PCDHA1: variants seen among roughly 807,000 people sequenced by gnomAD.
PCDHA1 encodes protocadherin alpha-1.
PCDHA1 carries 42 observed loss-of-function variants against 61.3 expected under a neutral mutation model. The ratio of observed to expected loss-of-function variants is 0.69; its 90% CI spans 0.54 to 0.89. PCDHA1 has a LOEUF of 0.89. Among genes scored for constraint, PCDHA1 ranks in the 40% least tolerant of loss-of-function variants. The probability of loss-of-function intolerance (pLI) is 0.00; values close to 1 mark genes in which losing one functional copy is unlikely to be tolerated. For missense variants in PCDHA1, 1,256 were observed against 1,235.3 expected, an observed-to-expected ratio of 1.02 and a Z score of -0.25; for synonymous variants, 610 against 553.8, an observed-to-expected ratio of 1.10 and a Z score of -1.43.
chr5:140,810,316 C>G (rs1764636822), intron 1 of PCDHA1: 1 of 152,126 alleles, frequency 6.6e-6, no homozygotes, highest in South Asian at 2.1e-4. Context: ...TCTTTGATGC[C>G]CATGTACACA....
At chr5:140,914,360 T>C (rs782101976) in intron 1 of PCDHA1, among the ~76,000 whole-genome samples, 10 of 152,218 alleles carry the variant, frequency 6.6e-5, no homozygotes, top group Non-Finnish European at 1.5e-4. Context: ...GTTTTTGTCT[T>C]GAGATCTATT....
At chr5:140,929,362 G>A (rs781830495) in intron 1 of PCDHA1, 13 of 1,520,234 alleles carry the variant, frequency 8.6e-6, no homozygotes, top group Middle Eastern at 1.8e-4. Flanking sequence ...CCTTTGGCCC[G>A]GAGATGGCTG....
chr5:140,927,068 C>T, intron 1 of PCDHA1: 1 of 1,611,218 alleles, frequency 6.2e-7, no homozygotes, highest in Non-Finnish European at 8.5e-7. Context: ...CGCTTCCTTT[C>T]CAGCCACCGC....
chr5:140,969,274 TG>T, intron 1 of PCDHA1: 1 of 1,614,158 alleles, frequency 6.2e-7, no homozygotes, highest in Non-Finnish European at 8.5e-7. Flanking sequence ...CAGGCCAAAG[TG>T]GTCAGAATGC....
intron 1 of PCDHA1, chr5:140,841,882 T>A: frequency 6.2e-7 from 1 of 1,613,800 alleles, no homozygotes; most frequent in Non-Finnish European, 8.5e-7. Context: ...CAAAGAACGA[T>A]GAGAATAAAC....
At chr5:141,008,712 T>G (rs1554261909) in intron 3 of PCDHA1, among the ~76,000 whole-genome samples, 1 of 152,210 alleles carries the variant, frequency 6.6e-6, no homozygotes, top group Non-Finnish European at 1.5e-5. Flanking sequence ...TCTAGTTGCT[T>G]GAGTGTATGT....
chr5:140,899,225 A>C (rs1479429839), intron 1 of PCDHA1, among the ~76,000 whole-genome samples: 1 of 152,038 alleles, frequency 6.6e-6, no homozygotes, highest in African/African-American at 2.4e-5. Context: ...TTCCAACACT[A>C]TGTTGAATAG....
chr5:140,939,903 CT>C (rs1485545948), intron 1 of PCDHA1, among the ~76,000 whole-genome samples: 1 of 152,046 alleles, frequency 6.6e-6, no homozygotes, highest in Non-Finnish European at 1.5e-5. Context: ...ATTCTGCATT[CT>C]TTTTTATTCT....
intron 1 of PCDHA1, among the ~76,000 whole-genome samples, chr5:140,872,204 C>T (rs1475899671): frequency 6.6e-6 from 1 of 151,738 alleles, no homozygotes. Flanking sequence ...ATCATAAATT[C>T]ATTATATATG....
chr5:140,793,090 A>C (rs552249231), intron 1 of PCDHA1, among the ~76,000 whole-genome samples: 2 of 152,260 alleles, frequency 1.3e-5, no homozygotes, highest in Non-Finnish European at 2.9e-5. Flanking sequence ...AGGAAGTAAT[A>C]TCCAGGATTT....
At chr5:140,884,435 T>C (rs1554181555) in intron 1 of PCDHA1, 1 of 1,613,872 alleles carries the variant, frequency 6.2e-7, no homozygotes, top group East Asian at 2.2e-5. Flanking sequence ...TGCGCTGCGG[T>C]GCTCGGCACC....
intron 1 of PCDHA1, chr5:140,822,655 A>T (rs2150118230): frequency 1.2e-6 from 2 of 1,608,946 alleles, no homozygotes; most frequent in East Asian, 4.5e-5. Context: ...CAAATTTATA[A>T]TTAATTCTAA....
chr5:140,868,967 AC>A, intron 1 of PCDHA1: 1 of 1,435,870 alleles, frequency 7.0e-7, no homozygotes, highest in African/African-American at 1.4e-5. Context: ...ATACAAAGGA[AC>A]TCCATCATAC....
At chr5:140,800,286 G>A (rs1762535144) in intron 1 of PCDHA1, among the ~76,000 whole-genome samples, 1 of 152,062 alleles carries the variant, frequency 6.6e-6, no homozygotes. Context: ...TCTCTGTAAA[G>A]GACCGACTTC....
intron 3 of PCDHA1, among the ~76,000 whole-genome samples, chr5:141,005,543 A>G (rs2153984572): frequency 6.6e-6 from 1 of 151,530 alleles, no homozygotes; most frequent in South Asian, 2.1e-4. Context: ...CTCTACTAAA[A>G]ATACAAAAAT....
rs146495947 is a variant in PCDHA1, at chr5:140,843,027, G to C, written c.2394+54343G>C. 1.7e-3 allele frequency: 2,668 copies of C among 1,595,168 alleles called. 274 individuals carry two copies. Among genetic ancestry groups the C allele is most frequent in the Non-Finnish European group, 2.1e-3 (2,455 of 1,165,422 alleles). ...AACGCGCCGGCACTGCTGGAGCCTC[G>C]GGTGGGTGGCACTGGTGGCGCAGCG... is the stretch of plus-strand genomic sequence containing the variant. On this transcript the variant is annotated intron_variant, in intron 1 of 3. Transcript: ENST00000504120.
rs1554118017 is a variant in PCDHA1 at position 140,787,852 on chromosome 5, A to G, written c.1562A>G (p.Gln521Arg). 1 of 1,612,584 alleles carries G rather than the reference A, an allele frequency of 6.2e-7. No individual in the cohort carries two copies. The change falls in exon 1 of 4, where the codon CAG becomes CGG. Residue 521 changes from glutamine (Q) to arginine (R), a missense_variant. Transcript: ENST00000504120. ...GAGAGCGGCAAGGTGTACGCACTGC[A>G]GCCCCTGGACCACGAGGAGCTGGAG... is the stretch of plus-strand genomic sequence containing the variant. ...HAESGKVYALQPLDHEELELL... is the reference protein window; with the variant it reads ...HAESGKVYALRPLDHEELELL...
At chr5:140,804,902 A>G (rs751937136) in intron 1 of PCDHA1, 16 of 812,332 alleles carry the variant, frequency 2.0e-5, no homozygotes, top group African/African-American at 1.2e-4. Flanking sequence ...CCTCACTTCC[A>G]TTTTCTTTAT....
chr5:140,817,621 A>G (rs955699396), intron 1 of PCDHA1: 1 of 152,214 alleles, frequency 6.6e-6, no homozygotes, highest in African/African-American at 2.4e-5. Context: ...GAATCATTAT[A>G]CCATTTACTT....
Sources: allele counts gnomAD v4.1 joint callset (sites outside exome capture counted in the v4.1 genomes callset), GRCh38; gene constraint gnomAD v4.1.1; transcripts MANE v1.5; gene names NCBI Gene and HGNC (gene_info 2026-07-23, HGNC 2026-07-21).